The following ENOSF1 variants were observed in gnomAD, a reference collection of about 807,000 sequenced individuals.
ENOSF1 encodes the protein mitochondrial enolase superfamily member 1.
A neutral mutation model predicts 68.2 loss-of-function variants in ENOSF1; 73 were observed. The observed-to-expected ratio is 1.07, with a 90% CI of 0.89 to 1.30. The LOEUF (loss-of-function observed/expected upper bound fraction) is 1.30, where lower values mean the gene tolerates loss of function less well. Ranked by LOEUF, ENOSF1 falls within the 50% of genes most tolerant of loss-of-function variation. The pLI is 0.00. For synonymous variants in ENOSF1, 223 were observed against 210.4 expected (o/e 1.06, Z -0.52); for missense variants, 589 against 554.5 (o/e 1.06, Z -0.62).
downstream of ENOSF1, among the ~76,000 whole-genome samples, chr18:668,162 A>G (rs1395832687): frequency 6.6e-6 from 1 of 151,982 alleles, no homozygotes; most frequent in Non-Finnish European, 1.5e-5. Flanking sequence ...TGTATTTGCA[A>G]TTTTAGCACG....
intron 5 of ENOSF1, chr18:693,082 A>C (rs2077367592): frequency 1.6e-6 from 2 of 1,288,356 alleles, no homozygotes; most frequent in Non-Finnish European, 2.0e-6. Flanking sequence ...TGAGCAGTGA[A>C]ACCCGGACTC....
At chr18:696,971 G>A (rs2077796107) in intron 3 of ENOSF1, among the ~76,000 whole-genome samples, 2 of 152,030 alleles carry the variant, frequency 1.3e-5, no homozygotes, top group African/African-American at 4.8e-5. Flanking sequence ...ACAAACATTA[G>A]CCAGGTGTGC....
intron 1 of ENOSF1, among the ~76,000 whole-genome samples, chr18:710,135 GTC>G (rs200367236): frequency 6.6e-6 from 1 of 151,612 alleles, no homozygotes; most frequent in East Asian, 1.9e-4. Context: ...TTGAGACAGG[GTC>G]TCTCTCTCTC....
chr18:675,247 A>AGTCTAGTTCACGAGACAGGCG, intron 15 of ENOSF1, 74 bp downstream of exon 15: 1 of 1,113,082 alleles, frequency 9.0e-7, no homozygotes, highest in South Asian at 1.3e-5. Context: ...GGTGCTCCAC[A>AGTCTAGTTCACGAGACAGGCG]GTCTAGTTCA....
At position 691,110 on chromosome 18, in the gene ENOSF1, GAAGA is replaced by G. The variant is rs753221027; in HGVS notation, c.497-8_497-5del. ...ATTTGACCTTTCTGCAGTATTTCTG[GAAGA>G]AATAAAAAGCATCACTCACTCTTTT... On this transcript the variant is annotated splice_polypyrimidine_tract_variant and splice_region_variant and intron_variant, in intron 6 of 15. Transcript: ENST00000647584. 1.7e-5 allele frequency: 28 copies of G among 1,613,872 alleles called. No homozygotes were observed. The highest frequency in any genetic ancestry group is 2.2e-5 in the Non-Finnish European group (26 of 1,179,934).
At position 672,925 on chromosome 18, in the gene ENOSF1, C is replaced by T; in HGVS notation, c.*1380G>A. On this transcript the variant is annotated 3_prime_UTR_variant, in exon 16 of 16. Coordinates refer to ENST00000647584, the MANE Select transcript of ENOSF1 (RefSeq NM_017512.7). ...TTCGAAAAGTTGAGAAAATTGATGA[C>T]TTCAAAGCTGAAGACTTTCAGATTG... 1 of 1,598,652 alleles carries T rather than the reference C, an allele frequency of 6.3e-7. No individual in the cohort carries two copies. Among genetic ancestry groups the T allele is most frequent in the Non-Finnish European group, 8.6e-7 (1 of 1,167,972 alleles).
chr18:711,160 G>A (rs1347212158), intron 1 of ENOSF1, among the ~76,000 whole-genome samples: 1 of 151,590 alleles, frequency 6.6e-6, no homozygotes. Context: ...ACAGATAAGA[G>A]ACCCTGCCTC....
At chr18:667,310 T>A (rs369491554), downstream of ENOSF1, among the ~76,000 whole-genome samples, 7 of 30,400 alleles carry the variant, frequency 2.3e-4, no homozygotes, top group African/African-American at 2.3e-4. Flanking sequence ...ATGGTGATGG[T>A]GATGGAGATG....
chr18:678,459 T>C, intron 12 of ENOSF1: 2 of 511,268 alleles, frequency 3.9e-6, no homozygotes, highest in Non-Finnish European at 6.9e-6. Context: ...CAATTTCAAT[T>C]AGACACTTTG....
intron 1 of ENOSF1, among the ~76,000 whole-genome samples, chr18:708,849 T>C (rs1033896260): frequency 5.9e-5 from 9 of 152,084 alleles, no homozygotes; most frequent in East Asian, 1.9e-4. Context: ...GGCTGAGCCA[T>C]TGGGTTCCTG....
At chr18:666,737 G>C (rs2074823004), downstream of ENOSF1, among the ~76,000 whole-genome samples, 1 of 152,222 alleles carries the variant, frequency 6.6e-6, no homozygotes, top group East Asian at 1.9e-4. Context: ...AGCAACTTCA[G>C]GAAGTTTAAA....
At chr18:694,651 GAGAA>G (rs1568094613) in intron 3 of ENOSF1, among the ~76,000 whole-genome samples, 2 of 151,296 alleles carry the variant, frequency 1.3e-5, no homozygotes, top group African/African-American at 4.9e-5. Flanking sequence ...AAGAGAGAGA[GAGAA>G]AGATATTTAG....
intron 1 of ENOSF1, among the ~76,000 whole-genome samples, chr18:712,148 G>A (rs1167205891): frequency 1.3e-5 from 2 of 152,158 alleles, no homozygotes; most frequent in Admixed American, 1.3e-4. Flanking sequence ...AGTAAAACCA[G>A]GATATTCTAA....
At chr18:677,185 T>TG (rs1371030275) in intron 14 of ENOSF1, among the ~76,000 whole-genome samples, 160 bp downstream of exon 14, 1 of 152,208 alleles carries the variant, frequency 6.6e-6, no homozygotes, top group East Asian at 1.9e-4. Context: ...CGTTCATTGG[T>TG]GGGTCTCTGT....
Position 670,787 on chromosome 18 carries a change from G to A in ENOSF1, c.*3518C>T. The A allele has an allele frequency of 1.2e-6, 2 of 1,614,158 alleles. No individual in the cohort carries two copies. Among genetic ancestry groups the A allele is most frequent in the Non-Finnish European group, 1.7e-6 (2 of 1,180,034 alleles). ...CTGCCAGCTGTACCAGAGATCGGGA[G>A]ACATGGGCCTCGGTGTGCCTTTCAA... On this transcript the variant is annotated 3_prime_UTR_variant, in exon 16 of 16. Transcript: ENST00000647584.
At position 711,730 on chromosome 18, in the gene ENOSF1, CCTTA is replaced by C. The variant is rs770838274; in HGVS notation, c.84+770_84+773del. On this transcript the variant is annotated intron_variant, in intron 1 of 15. Coordinates refer to ENST00000647584, the MANE Select transcript of ENOSF1 (RefSeq NM_017512.7). ...TTTAGGTAGGAGTCAGAGTTCCTGCCCTTACTTTATTACATCTCTTAAGACGAAC... is the reference window on the plus strand; with the variant it reads ...TTTAGGTAGGAGTCAGAGTTCCTGCCCTTTATTACATCTCTTAAGACGAAC... Among the ~76,000 whole-genome samples, 36 of 152,280 alleles carry C rather than the reference CCTTA, an allele frequency of 2.4e-4. No homozygotes were observed. In the East Asian group the frequency reaches 2.7e-3, roughly 11 times the overall value.
In ENOSF1 at chr18:671,005, CT is replaced by C; in HGVS notation, c.*3299del. 1 of 1,065,368 alleles carries C rather than the reference CT, an allele frequency of 9.4e-7. No homozygotes were observed. Among genetic ancestry groups the C allele is most frequent in the Non-Finnish European group, 1.3e-6 (1 of 754,642 alleles). The allele number at this position is 1,065,368 out of a possible 1,614,324, so 66.0% of individuals were successfully genotyped here. On this transcript the variant is annotated 3_prime_UTR_variant, in exon 16 of 16. Transcript: ENST00000647584. ...TATGTGTAAGTAAGAAATGAACCAG[CT>C]TTTACTTTGAAACCTTCCTCTTCTG...
chr18:686,088 C>T (rs190121859), intron 9 of ENOSF1, 80 bp from the exon 10 acceptor site: 20 of 956,962 alleles, frequency 2.1e-5, no homozygotes, highest in Admixed American at 6.9e-5. Context: ...CAGAAGTGAC[C>T]GTCTCTGTCA....
intron 12 of ENOSF1, 123 bp downstream of exon 12, chr18:678,573 G>A: frequency 1.0e-6 from 1 of 966,320 alleles, no homozygotes; most frequent in South Asian, 1.4e-5. Flanking sequence ...CTAAGATGAT[G>A]AAAATTTCCC....
Sources: allele counts gnomAD v4.1 joint callset (sites outside exome capture counted in the v4.1 genomes callset), GRCh38; gene constraint gnomAD v4.1.1; transcripts MANE v1.5; gene names NCBI Gene and HGNC (gene_info 2026-07-23, HGNC 2026-07-21).